SLC22A11: variants seen among roughly 807,000 people sequenced by gnomAD.
The protein encoded by SLC22A11 is organic anion transporter 4.
In SLC22A11, 42 loss-of-function variants were observed where a neutral mutation model predicts 49.4. The ratio of observed to expected loss-of-function variants is 0.85; its 90% confidence interval spans 0.66 to 1.10. The LOEUF (loss-of-function observed/expected upper bound fraction) is 1.10, where lower values mean the gene tolerates loss of function less well. SLC22A11 is among the 50% of genes least tolerant of loss of function. The pLI, the probability that SLC22A11 is intolerant of heterozygous loss-of-function variation, is 0.00. For synonymous variants in SLC22A11, 304 were observed against 315.8 expected (o/e 0.96, Z 0.40); for missense variants, 685 against 731.6 (o/e 0.94, Z 0.74).
Position 64,564,442 on chromosome 11 carries a change from G to C in SLC22A11, c.942+14G>C. ...CTGACCATAGAGGTGAGATGCTGCT[G>C]TCTGCGAGACTTGACCTGGGACAGG... On this transcript the variant is annotated intron_variant, in intron 5 of 9. Coordinates refer to ENST00000301891, the MANE Select transcript of SLC22A11 (RefSeq NM_018484.4). The surrounding 1 kb of genome is among the most constrained non-coding windows in gnomAD (Gnocchi z 4.2). 1.2e-6 allele frequency: 2 copies of C among 1,613,668 alleles called. No individual in the cohort carries two copies. Among genetic ancestry groups the C allele is most frequent in the Non-Finnish European group, 1.7e-6 (2 of 1,179,760 alleles).
intron 6 of SLC22A11, chr11:64,566,518 A>G (rs1591376089): frequency 6.7e-6 from 1 of 149,346 alleles, no homozygotes; most frequent in South Asian, 2.1e-4. Context: ...AGGATTCCTC[A>G]GTTCTCCCAG....
intron 9 of SLC22A11, among the ~76,000 whole-genome samples, chr11:64,570,195 C>A (rs2038685288): frequency 6.6e-6 from 1 of 152,206 alleles, no homozygotes. Flanking sequence ...CCTCTCTCAC[C>A]AAAACTGACA....
At chr11:64,567,466 G>T in intron 6 of SLC22A11, 133 bp from the exon 7 acceptor site, 1 of 800,212 alleles carries the variant, frequency 1.2e-6, no homozygotes, top group East Asian at 2.5e-5. Flanking sequence ...GGGATCGCTG[G>T]CCGAGACAAG....
rs1303804952 is a variant in SLC22A11 at position 64,562,501 on chromosome 11, C to T, written c.821+66C>T. 6.8e-6 allele frequency: 10 copies of T among 1,468,272 alleles called. No individual in the cohort carries two copies. The highest frequency in any genetic ancestry group is 8.1e-6 in the Non-Finnish European group (9 of 1,109,086). 91.0% of individuals were successfully genotyped at this position (1,468,272 alleles called of 1,614,324 possible). On this transcript the variant is annotated intron_variant, in intron 4 of 9. Coordinates refer to ENST00000301891, the MANE Select transcript of SLC22A11 (RefSeq NM_018484.4). This position sits in a 1 kb window ranked among gnomAD's most constrained non-coding sequence, Gnocchi z 4.4. ...TGGGAGGGGGACTCTTCACTTTCAC[C>T]TCTCTGGCTGGCAGTAGGTCCAGAG... is the stretch of plus-strand genomic sequence containing the variant.
intron 8 of SLC22A11, 101 bp from the exon 9 acceptor site, chr11:64,569,551 C>G: frequency 7.8e-7 from 1 of 1,287,254 alleles, no homozygotes; most frequent in Non-Finnish European, 1.1e-6. Flanking sequence ...GGGCAATTCC[C>G]TCAGCCCAGC....
At chr11:64,568,153 A>C (rs2038654138) in intron 7 of SLC22A11, among the ~76,000 whole-genome samples, 1 of 152,234 alleles carries the variant, frequency 6.6e-6, no homozygotes, top group African/African-American at 2.4e-5. Context: ...GAGCGCGAGC[A>C]GCTGCGAGGA....
intron 9 of SLC22A11, among the ~76,000 whole-genome samples, 200 bp downstream of exon 9, chr11:64,570,058 T>A (rs1318883331): frequency 6.6e-6 from 1 of 152,244 alleles, no homozygotes; most frequent in African/African-American, 2.4e-5. Context: ...AGAAAGTGAC[T>A]TATCCAAAGT....
chr11:64,569,251 G>A (rs1265125021), intron 8 of SLC22A11, among the ~76,000 whole-genome samples: 1 of 152,156 alleles, frequency 6.6e-6, no homozygotes, highest in African/African-American at 2.4e-5. Context: ...TCAGCAGAAG[G>A]GTAGGACTGG....
rs2038610315 is a variant in SLC22A11, at chr11:64,565,384, G to A, written c.1058+47G>A. The stretch of plus-strand genomic sequence containing the variant: ...CCCCAAGGCAGGGCTGGGACAGGCA[G>A]GAGGCAGAGCTGGGACAGGCAGGAG... On this transcript the variant is annotated intron_variant, in intron 6 of 9. Transcript: ENST00000301891. This position sits in a 1 kb window ranked among gnomAD's most constrained non-coding sequence, Gnocchi z 4.1. 2 of 1,490,282 alleles carry A rather than the reference G, an allele frequency of 1.3e-6. No individual in the cohort carries two copies. Among genetic ancestry groups the A allele is most frequent in the East Asian group, 2.5e-5 (1 of 40,616 alleles). 92.3% of individuals were successfully genotyped at this position (1,490,282 alleles called of 1,614,324 possible). A position where few individuals can be genotyped will look rare whatever the true frequency, so the allele number is the denominator to read the frequency against.
In SLC22A11 at chr11:64,562,072, T is replaced by C. The variant is rs552302187; in HGVS notation, c.566T>C (p.Phe189Ser). The change falls in exon 3 of 10, where the codon TTC (phenylalanine) becomes TCC (serine). Residue 189 changes from phenylalanine (F) to serine (S), a missense_variant. Phe to Ser is a radical substitution (Grantham distance 155). Transcript: ENST00000301891. This position sits in a 1 kb window ranked among gnomAD's most constrained non-coding sequence, Gnocchi z 4.4. ...GCCGTGGCGGGCACCAGCACCATCTTCGCCCCAACATTCGTCATCTACTGC... is the reference window on the plus strand; with the variant it reads ...GCCGTGGCGGGCACCAGCACCATCTCCGCCCCAACATTCGTCATCTACTGC... ...QLAVAGTSTI[F>S]APTFVIYCGL... 65 of 1,613,856 alleles carry C rather than the reference T, an allele frequency of 4.0e-5. No homozygotes were observed. In the East Asian group the frequency reaches 1.3e-3, roughly 33 times the overall value.
chr11:64,566,224 C>G (rs1002940502), intron 6 of SLC22A11: 2 of 148,578 alleles, frequency 1.3e-5, no homozygotes, highest in African/African-American at 2.5e-5. Context: ...CCAGCCTGGG[C>G]GACAGGGCAA....
At chr11:64,563,144 T>A (rs1447201269) in intron 4 of SLC22A11, among the ~76,000 whole-genome samples, 1 of 152,006 alleles carries the variant, frequency 6.6e-6, no homozygotes, top group Admixed American at 6.6e-5. Flanking sequence ...CCCGTGGAGC[T>A]TACGTTTCAT....
Position 64,567,701 on chromosome 11 carries a change from G to C in SLC22A11, c.1161G>C (p.Leu387=), listed in dbSNP as rs1301271669. 1 of 1,613,838 alleles carries C rather than the reference G, an allele frequency of 6.2e-7. No homozygotes were observed. The highest frequency in any genetic ancestry group is 1.3e-5 in the African/African-American group (1 of 74,940). Residue 387 remains leucine, a synonymous_variant, in exon 7 of 10, where the codon CTG becomes CTC. Coordinates refer to ENST00000301891, the MANE Select transcript of SLC22A11 (RefSeq NM_018484.4). Reference sequence around the variant, plus strand: ...CCCTCTTCGGGGCCGTGGACTTCCTGGGCCGGGCCACCACTGCCCTCTTGC... The same window carrying C: ...CCCTCTTCGGGGCCGTGGACTTCCTCGGCCGGGCCACCACTGCCCTCTTGC... ...LQALFGAVDF[L]GRATTALLLS... is the part of the protein sequence containing the mutation.
chr11:64,559,330 C>T, intron 2 of SLC22A11, 92 bp downstream of exon 2: 1 of 956,794 alleles, frequency 1.0e-6, no homozygotes, highest in Non-Finnish European at 1.5e-6. Flanking sequence ...GGCAAACACC[C>T]CATCCCTGCT....
chr11:64,564,371 G>A lies in SLC22A11; in HGVS notation c.885G>A (p.Glu295=). 3 of 1,614,138 alleles carry A rather than the reference G, an allele frequency of 1.9e-6. No homozygotes were observed. The highest frequency in any genetic ancestry group is 2.5e-6 in the Non-Finnish European group (3 of 1,180,020). The change falls in exon 5 of 10, where the codon GAG becomes GAA. Residue 295 remains glutamate, a synonymous_variant. Transcript: ENST00000301891. The surrounding 1 kb of genome is among the most constrained non-coding windows in gnomAD (Gnocchi z 4.2). ...GCAAACCAGACCAAGCACTTCAGGA[G>A]CTCAGAAAGGTGGCCAGGATAAATG... ...IKGKPDQALQ[E]LRKVARINGH...
At chr11:64,563,418 CACT>C (rs1479583735) in intron 4 of SLC22A11, among the ~76,000 whole-genome samples, 3 of 151,884 alleles carry the variant, frequency 2.0e-5, no homozygotes, top group Non-Finnish European at 2.9e-5. Context: ...AACTCTTCAC[CACT>C]ACGTCAGACT....
intron 7 of SLC22A11, 84 bp downstream of exon 7, chr11:64,567,897 C>T: frequency 7.1e-7 from 1 of 1,400,980 alleles, no homozygotes; most frequent in Admixed American, 2.1e-5. Flanking sequence ...ACATCCCCTC[C>T]CTGGCCCCAG....
chr11:64,571,133 C>T lies in SLC22A11; in HGVS notation c.*91C>T. ...CAGAGCGTGGAGGCGAGTTGGGCGACTTCAAGGGCCTGGCATGGCAGAGGC... is the reference window on the plus strand; with the variant it reads ...CAGAGCGTGGAGGCGAGTTGGGCGATTTCAAGGGCCTGGCATGGCAGAGGC... On this transcript the variant is annotated 3_prime_UTR_variant, in exon 10 of 10. Transcript: ENST00000301891. 7.1e-7 allele frequency: 1 copy of T among 1,404,908 alleles called. No individual in the cohort carries two copies. The highest frequency in any genetic ancestry group is 1.0e-6 in the Non-Finnish European group (1 of 995,856). 87.0% of individuals were successfully genotyped at this position (1,404,908 alleles called of 1,614,324 possible). A position where few individuals can be genotyped will look rare whatever the true frequency, so the allele number is the denominator to read the frequency against.
rs982120541 is a variant in SLC22A11, at chr11:64,555,981, A to C, written c.-19A>C. ...CAGCAGTTAGGTCAGCAGTCCGCTC[A>C]GCCGAGGCAGCTCTGTTCATGGCGT... On this transcript the variant is annotated 5_prime_UTR_variant, in exon 1 of 10. Coordinates refer to ENST00000301891, the MANE Select transcript of SLC22A11 (RefSeq NM_018484.4). 4 of 1,578,746 alleles carry C rather than the reference A, an allele frequency of 2.5e-6. No individual in the cohort carries two copies. Among genetic ancestry groups the C allele is most frequent in the Non-Finnish European group, 2.6e-6 (3 of 1,164,506 alleles).
Sources: gnomAD v4.1 joint callset for allele counts (sites outside exome capture counted in the v4.1 genomes callset) on GRCh38, gnomAD v4.1.1 for gene constraint, Gnocchi (gnomAD v3.1) non-coding constraint, MANE v1.5 for transcripts, NCBI Gene and HGNC (gene_info 2026-07-23, HGNC 2026-07-21) for gene names.